Variants in PCDH15 observed in about 807,000 individuals in gnomAD.
PCDH15 encodes the protein protocadherin related 15, also known as protocadherin-15.
A neutral mutation model predicts 178.5 loss-of-function variants in PCDH15; 129 were observed. The observed-to-expected ratio is 0.72, with a 90% CI of 0.63 to 0.84. The LOEUF (loss-of-function observed/expected upper bound fraction) is 0.84. Among genes scored for constraint, PCDH15 ranks in the 40% least tolerant of loss-of-function variants. The probability of loss-of-function intolerance (pLI) is 0.00; values close to 1 mark genes in which losing one functional copy is unlikely to be tolerated. For missense variants in PCDH15, 2,230 were observed against 2,099.9 expected (o/e 1.06, Z -1.21); for synonymous variants, 800 against 732.0 (o/e 1.09, Z -1.50).
At chr10:54,055,684 T>C (rs959757785) in intron 18 of PCDH15, among the ~76,000 whole-genome samples, 7 of 152,152 alleles carry the variant, frequency 4.6e-5, no homozygotes, top group African/African-American at 1.7e-4. Flanking sequence ...TCAACCTCCA[T>C]CCACCCATGT....
chr10:55,579,421 T>C (rs1277901312), intron 2 of PCDH15, among the ~76,000 whole-genome samples: 1 of 152,190 alleles, frequency 6.6e-6, no homozygotes, highest in Non-Finnish European at 1.5e-5. Context: ...CTCCCTTGGA[T>C]CACCTACTTG....
At chr10:55,601,655 A>T (rs1159119086) in intron 2 of PCDH15, among the ~76,000 whole-genome samples, 1 of 152,192 alleles carries the variant, frequency 6.6e-6, no homozygotes, top group Non-Finnish European at 1.5e-5. Context: ...TGAGTAAAAA[A>T]ATAGAAAGCT....
intron 3 of PCDH15, among the ~76,000 whole-genome samples, chr10:54,855,849 C>T (rs926143186): frequency 2.0e-5 from 3 of 152,092 alleles, no homozygotes; most frequent in East Asian, 1.9e-4. Flanking sequence ...TTGTCAATAG[C>T]AGAAGTCATT....
At chr10:54,214,696 G>C (rs934411640) in intron 9 of PCDH15, among the ~76,000 whole-genome samples, 3 of 151,982 alleles carry the variant, frequency 2.0e-5, no homozygotes, top group Admixed American at 2.0e-4. Context: ...GGTTCAAGTG[G>C]TTCCCCTGCC....
intron 2 of PCDH15, among the ~76,000 whole-genome samples, chr10:55,345,489 C>G (rs1844728895): frequency 1.3e-5 from 2 of 152,040 alleles, no homozygotes; most frequent in South Asian, 4.1e-4. Context: ...CAGAGTTGAA[C>G]TATGGCAATT....
At chr10:55,208,475 A>G (rs1840467314) in intron 1 of PCDH15, among the ~76,000 whole-genome samples, 1 of 152,024 alleles carries the variant, frequency 6.6e-6, no homozygotes, top group African/African-American at 2.4e-5. Flanking sequence ...AGTAATTTCA[A>G]TAACCTTCTA....
intron 2 of PCDH15, among the ~76,000 whole-genome samples, chr10:54,927,956 G>A (rs11004638): frequency 0.037 from 5,563 of 152,014 alleles, 116 homozygotes; most frequent in Non-Finnish European, 0.052. Flanking sequence ...ATATTGTTAC[G>A]TGTCGGTGTG....
intron 3 of PCDH15, among the ~76,000 whole-genome samples, chr10:54,386,356 G>A (rs568763461): frequency 6.6e-6 from 1 of 152,110 alleles, no homozygotes; most frequent in South Asian, 2.1e-4. Context: ...GTCCTAGGCT[G>A]CATGTGGCCT....
At chr10:55,566,547 T>A (rs1589142992) in intron 2 of PCDH15, among the ~76,000 whole-genome samples, 1 of 151,688 alleles carries the variant, frequency 6.6e-6, no homozygotes, top group South Asian at 2.1e-4. Flanking sequence ...GAGAATATAA[T>A]CTTATTTATA....
chr10:55,205,802 T>G (rs887073157), intron 1 of PCDH15, among the ~76,000 whole-genome samples: 1 of 151,980 alleles, frequency 6.6e-6, no homozygotes, highest in Non-Finnish European at 1.5e-5. Flanking sequence ...TAACTGGGAC[T>G]GGGCAATTTA....
intron 1 of PCDH15, among the ~76,000 whole-genome samples, chr10:54,737,166 G>T (rs760257293): frequency 6.6e-6 from 1 of 152,044 alleles, no homozygotes; most frequent in African/African-American, 2.4e-5. Flanking sequence ...CTTCTTATGC[G>T]AAACTGGCCA....
intron 2 of PCDH15, among the ~76,000 whole-genome samples, chr10:55,436,041 A>C (rs531950448): frequency 2.0e-4 from 31 of 152,082 alleles, no homozygotes; most frequent in Non-Finnish European, 3.5e-4. Context: ...ACTTACTTAT[A>C]TATGTGTTTA....
At chr10:54,920,999 A>G (rs920810591) in intron 2 of PCDH15, among the ~76,000 whole-genome samples, 13 of 152,188 alleles carry the variant, frequency 8.5e-5, no homozygotes, top group Admixed American at 7.9e-4. Context: ...CATTCTTCTC[A>G]TGAGTGGGTC....
At chr10:53,903,765 T>C (rs2082485302) in intron 25 of PCDH15, among the ~76,000 whole-genome samples, 1 of 152,166 alleles carries the variant, frequency 6.6e-6, no homozygotes, top group Non-Finnish European at 1.5e-5. Flanking sequence ...CCATAAACTA[T>C]TATATGAATA....
chr10:54,723,109 C>T lies in PCDH15; in HGVS notation c.-28-58819G>A, dbSNP rs753050117. ...CCAAAGCAATCCTAAGCAAAAAGGA[C>T]GAATCTAGAGGAATCACATTGTGTG... On this transcript the variant is annotated intron_variant, in intron 1 of 37. Coordinates refer to ENST00000644397, the MANE Select transcript of PCDH15 (RefSeq NM_001384140.1). Among the ~76,000 whole-genome samples, 17 of 151,404 alleles carry T rather than the reference C, an allele frequency of 1.1e-4. 1 individual carries two copies. The highest frequency in any genetic ancestry group is 4.1e-4 in the South Asian group (2 of 4,826).
chr10:54,802,491 A>T (rs969562744), upstream of PCDH15, among the ~76,000 whole-genome samples: 2 of 152,198 alleles, frequency 1.3e-5, no homozygotes, highest in Admixed American at 6.5e-5. Flanking sequence ...AAACAAACTA[A>T]ATTACTTGCT....
At chr10:54,466,331 A>G (rs1462753659) in intron 3 of PCDH15, among the ~76,000 whole-genome samples, 1 of 151,872 alleles carries the variant, frequency 6.6e-6, no homozygotes, top group Non-Finnish European at 1.5e-5. Context: ...CTATGTCTTT[A>G]ATTGATCTTG....
intron 3 of PCDH15, among the ~76,000 whole-genome samples, chr10:54,886,889 ACT>A (rs1489191390): frequency 1.3e-5 from 2 of 152,182 alleles, no homozygotes; most frequent in South Asian, 2.1e-4. Flanking sequence ...ATAACAGGAA[ACT>A]CTGTGTATAT....
At chr10:54,524,625 T>C (rs1166616900) in intron 3 of PCDH15, among the ~76,000 whole-genome samples, 1 of 152,160 alleles carries the variant, frequency 6.6e-6, no homozygotes, top group South Asian at 2.1e-4. Flanking sequence ...AACTAGAAAA[T>C]ATCTGTTCAG....
Sources: gnomAD v4.1 joint callset for allele counts (sites outside exome capture counted in the v4.1 genomes callset) on GRCh38, gnomAD v4.1.1 for gene constraint, MANE v1.5 for transcripts, NCBI Gene and HGNC (gene_info 2026-07-23, HGNC 2026-07-21) for gene names.